B4GALT1: variants seen among roughly 807,000 people sequenced by gnomAD.
The protein encoded by B4GALT1 is N-acetyllactosamine synthase.
A neutral mutation model predicts 34.9 loss-of-function variants in B4GALT1; 16 were observed. The ratio of observed to expected loss-of-function variants is 0.46; its 90% confidence interval spans 0.31 to 0.70. The LOEUF (loss-of-function observed/expected upper bound fraction) is 0.70. Ranked by LOEUF, B4GALT1 falls within the 30% of genes least tolerant of loss-of-function variation. The pLI is 0.05. For missense variants in B4GALT1, 445 were observed against 530.5 expected (o/e 0.84, Z 1.58); for synonymous variants, 221 against 218.1 (o/e 1.01, Z -0.12).
chr9:33,125,111 CAT>C (rs1479404170), intron 2 of B4GALT1, among the ~76,000 whole-genome samples: 1 of 152,116 alleles, frequency 6.6e-6, no homozygotes, highest in African/African-American at 2.4e-5. Flanking sequence ...GGCCAGAAAA[CAT>C]ATAAAATCCC....
At chr9:33,153,141 A>C (rs1007595697) in intron 1 of B4GALT1, among the ~76,000 whole-genome samples, 1 of 152,194 alleles carries the variant, frequency 6.6e-6, no homozygotes, top group East Asian at 1.9e-4. Flanking sequence ...ACTATGTCTG[A>C]ATATGATACT....
In B4GALT1 at chr9:33,166,740, G is replaced by C. The variant is rs759581109; in HGVS notation, c.412+18C>G. Reference sequence around the variant, plus strand: ...GGGGGGTCCCAATCCTCCGACTGGCGCCGACCCGAGTCCTTACCAAGCAGC... The same window carrying C: ...GGGGGGTCCCAATCCTCCGACTGGCCCCGACCCGAGTCCTTACCAAGCAGC... On this transcript the variant is annotated intron_variant, in intron 1 of 5. Transcript: ENST00000379731. The C allele has an allele frequency of 5.4e-6, 8 of 1,494,442 alleles. No individual in the cohort carries two copies. The highest frequency in any genetic ancestry group is 6.2e-6 in the Non-Finnish European group (7 of 1,129,694). The allele number at this position is 1,494,442 out of a possible 1,614,324, so 92.6% of individuals were successfully genotyped here.
In B4GALT1 at chr9:33,111,276, A is replaced by AAAAAACAAC. The variant is rs1564033760; in HGVS notation, c.*2177_*2178insGTTGTTTTT. 4 of 105,930 alleles carry AAAAAACAAC rather than the reference A, an allele frequency of 3.8e-5. No individual in the cohort carries two copies. Among genetic ancestry groups the AAAAAACAAC allele is most frequent in the Non-Finnish European group, 8.1e-5 (4 of 49,226 alleles). 6.6% of individuals were successfully genotyped at this position (105,930 alleles called of 1,614,324 possible). ...AAAAAAAAAAAAAAAAAAAAAAAAA[A>AAAAAACAAC]AACAACAAGAAAAGGTAGAGTTTGG... On this transcript the variant is annotated 3_prime_UTR_variant, in exon 6 of 6. Coordinates refer to ENST00000379731, the MANE Select transcript of B4GALT1 (RefSeq NM_001497.4).
intron 1 of B4GALT1, among the ~76,000 whole-genome samples, chr9:33,151,669 T>G (rs950898808): frequency 2.0e-5 from 3 of 152,236 alleles, no homozygotes; most frequent in Admixed American, 6.5e-5. Context: ...TTACTTTCCC[T>G]TCTCCCCTGA....
intron 1 of B4GALT1, among the ~76,000 whole-genome samples, chr9:33,161,026 T>A (rs1002967501): frequency 6.6e-6 from 1 of 151,084 alleles, no homozygotes; most frequent in Non-Finnish European, 1.5e-5. Flanking sequence ...AGTCATTCTC[T>A]CTCTCTCTCT....
At chr9:33,122,798 T>C (rs1266060167) in intron 2 of B4GALT1, among the ~76,000 whole-genome samples, 2 of 152,188 alleles carry the variant, frequency 1.3e-5, no homozygotes, top group African/African-American at 4.8e-5. Context: ...CAGGCTGAGT[T>C]GATTTGGAAT....
intron 2 of B4GALT1, among the ~76,000 whole-genome samples, chr9:33,122,047 A>C (rs2045502041): frequency 6.6e-6 from 1 of 152,170 alleles, no homozygotes; most frequent in Admixed American, 6.5e-5. Context: ...CAACACCAAC[A>C]TGAGGAAACG....
chr9:33,116,548 T>G (rs1587727747), intron 3 of B4GALT1, among the ~76,000 whole-genome samples: 3 of 84,442 alleles, frequency 3.6e-5, no homozygotes, highest in East Asian at 3.3e-4. Flanking sequence ...TTTGAAGGAG[T>G]CTCGCTCTGT....
the B4GALT1 span, among the ~76,000 whole-genome samples, chr9:33,175,990 T>C: frequency 2.0e-5 from 3 of 152,194 alleles, no homozygotes; most frequent in African/African-American, 4.8e-5. Context: ...AAAACCACAA[T>C]AGACACTCCC....
At chr9:33,120,055 G>C (rs991703998) in intron 3 of B4GALT1, among the ~76,000 whole-genome samples, 3 of 151,578 alleles carry the variant, frequency 2.0e-5, no homozygotes, top group African/African-American at 7.3e-5. Context: ...ATGGTGGCAA[G>C]TGTTTGTAGT....
intron 1 of B4GALT1, among the ~76,000 whole-genome samples, chr9:33,150,126 TATATAG>T (rs780829960): frequency 0.031 from 2,168 of 69,596 alleles, 64 homozygotes; most frequent in African/African-American, 0.14. Context: ...AAAGGAGATA[TATATAG>T]ATATAGATAT....
chr9:33,180,285 G>T, the B4GALT1 span, among the ~76,000 whole-genome samples: 1 of 151,966 alleles, frequency 6.6e-6, no homozygotes, highest in Non-Finnish European at 1.5e-5. Context: ...TGACTACCTG[G>T]GCATTTAGTA....
intron 2 of B4GALT1, among the ~76,000 whole-genome samples, chr9:33,122,025 C>T (rs1840027820): frequency 6.6e-6 from 1 of 152,190 alleles, no homozygotes; most frequent in Non-Finnish European, 1.5e-5. Flanking sequence ...GTTATCCTAA[C>T]CAGAATCTTC....
downstream of B4GALT1, among the ~76,000 whole-genome samples, chr9:33,110,455 T>C (rs1839840596): frequency 6.6e-6 from 1 of 152,160 alleles, no homozygotes; most frequent in African/African-American, 2.4e-5. Context: ...CTTTTAAGCC[T>C]CAAAAAAGTC....
At chr9:33,147,446 C>A (rs139326793) in intron 1 of B4GALT1, among the ~76,000 whole-genome samples, 1 of 152,078 alleles carries the variant, frequency 6.6e-6, no homozygotes, top group Non-Finnish European at 1.5e-5. Context: ...AGGGTTTCAC[C>A]GTGTTGGCCG....
the B4GALT1 span, among the ~76,000 whole-genome samples, chr9:33,182,669 C>A: frequency 1.3e-5 from 2 of 152,202 alleles, no homozygotes; most frequent in African/African-American, 4.8e-5. Context: ...ATGTTCCAAA[C>A]TTCTCCCCGC....
At chr9:33,146,442 T>A (rs1310031489) in intron 1 of B4GALT1, among the ~76,000 whole-genome samples, 1 of 152,200 alleles carries the variant, frequency 6.6e-6, no homozygotes, top group African/African-American at 2.4e-5. Context: ...ATTTTAAGAC[T>A]TTCACCTCCA....
chr9:33,144,519 T>C (rs1217401863), intron 1 of B4GALT1, among the ~76,000 whole-genome samples: 5 of 152,258 alleles, frequency 3.3e-5, no homozygotes, highest in African/African-American at 1.2e-4. Context: ...ATTACAGGCA[T>C]GAGCCACCAT....
Position 33,113,848 on chromosome 9 carries a change from G to T in B4GALT1, c.990C>A (p.Arg330=), listed in dbSNP as rs1431738117. Residue 330 remains arginine (R), a synonymous_variant, in exon 5 of 6, where the codon CGC becomes CGA. Transcript: ENST00000379731. The stretch of plus-strand genomic sequence containing the variant: ...GACACCTCCCGACCACAGCATTTGG[G>T]CGAGATATAGACATGCCTCTAAAAA... ...RLVFRGMSIS[R]PNAVVGRCRM... The T allele has an allele frequency of 6.2e-7, 1 of 1,614,172 alleles. No individual in the cohort carries two copies. Among genetic ancestry groups the T allele is most frequent in the Admixed American group, 1.7e-5 (1 of 60,020 alleles).
Sources: gnomAD v4.1 joint callset for allele counts (sites outside exome capture counted in the v4.1 genomes callset) on GRCh38, gnomAD v4.1.1 for gene constraint, MANE v1.5 for transcripts, NCBI Gene and HGNC (gene_info 2026-07-23, HGNC 2026-07-21) for gene names.